Variants in GPHN observed in about 807,000 individuals in gnomAD.
GPHN encodes gephyrin.
In GPHN, 17 loss-of-function variants were observed where a neutral mutation model predicts 95.5. That is an observed-to-expected ratio of 0.18 (90% CI 0.12 to 0.27). The LOEUF is 0.27. Ranked by LOEUF, GPHN falls within the 10% of genes least tolerant of loss-of-function variation. The probability of loss-of-function intolerance (pLI) is 1.00; values close to 1 mark genes in which losing one functional copy is unlikely to be tolerated. For missense variants in GPHN, 660 were observed against 978.1 expected, an observed-to-expected ratio of 0.67 and a Z score of 4.34; for synonymous variants, 320 against 322.5, an observed-to-expected ratio of 0.99 and a Z score of 0.08.
chr14:66,713,067 G>A (rs1028563459), intron 2 of GPHN, among the ~76,000 whole-genome samples: 1 of 152,116 alleles, frequency 6.6e-6, no homozygotes, highest in African/African-American at 2.4e-5. Context: ...TTTGTCAGAT[G>A]TATAGATTGT....
chr14:66,568,038 C>T (rs2060531398), intron 1 of GPHN, among the ~76,000 whole-genome samples: 1 of 152,032 alleles, frequency 6.6e-6, no homozygotes, highest in South Asian at 2.1e-4. Flanking sequence ...TGATGTCAGC[C>T]TAGTATTTTG....
At chr14:66,796,777 C>T (rs1235784846) in intron 3 of GPHN, among the ~76,000 whole-genome samples, 2 of 151,964 alleles carry the variant, frequency 1.3e-5, no homozygotes, top group Non-Finnish European at 2.9e-5. Context: ...TGGGTTGTCT[C>T]TTCACTCTAT....
the GPHN span, among the ~76,000 whole-genome samples, chr14:67,400,106 C>G: frequency 6.6e-6 from 1 of 152,150 alleles, no homozygotes; most frequent in Admixed American, 6.5e-5. Flanking sequence ...TGTTAGAGAG[C>G]CAAAAGTTGT....
At chr14:67,083,949 C>T (rs1282829030) in intron 11 of GPHN, among the ~76,000 whole-genome samples, 1 of 152,110 alleles carries the variant, frequency 6.6e-6, no homozygotes, top group Non-Finnish European at 1.5e-5. Flanking sequence ...TTCTTGTAGT[C>T]ATAATCATTA....
intron 3 of GPHN, among the ~76,000 whole-genome samples, chr14:66,777,805 G>T (rs2059438611): frequency 6.6e-6 from 1 of 152,204 alleles, no homozygotes; most frequent in South Asian, 2.1e-4. Flanking sequence ...AATAAATTAG[G>T]TATTGATGGG....
chr14:67,582,400 C>T, the GPHN span: 87,790 of 935,248 alleles, frequency 0.094, 4,595 homozygotes, highest in Admixed American at 0.19. This position sits in a 1 kb window ranked among gnomAD's most constrained non-coding sequence, Gnocchi z 5.0. Flanking sequence ...ATATAGGATG[C>T]GTGCAGATGG....
the GPHN span, among the ~76,000 whole-genome samples, chr14:67,509,987 G>A: frequency 6.6e-6 from 1 of 151,714 alleles, no homozygotes; most frequent in African/African-American, 2.4e-5. Context: ...TAAAGCCTGA[G>A]CAACAGAGAG....
the GPHN span, among the ~76,000 whole-genome samples, chr14:67,582,922 T>C: frequency 9.9e-5 from 15 of 152,280 alleles, no homozygotes; most frequent in East Asian, 1.3e-3. This position sits in a 1 kb window ranked among gnomAD's most constrained non-coding sequence, Gnocchi z 5.0. Context: ...GATAATTGTA[T>C]CATGTAATGT....
intron 12 of GPHN, among the ~76,000 whole-genome samples, chr14:67,093,091 G>C (rs2077205868): frequency 6.6e-6 from 1 of 151,966 alleles, no homozygotes; most frequent in Admixed American, 6.6e-5. Flanking sequence ...GGAATATTTT[G>C]AACAAACCAG....
intron 4 of GPHN, among the ~76,000 whole-genome samples, chr14:66,838,341 T>A (rs982397923): frequency 6.6e-6 from 1 of 151,998 alleles, no homozygotes; most frequent in African/African-American, 2.4e-5. Flanking sequence ...AATAAGTAGA[T>A]GATGGTGGAA....
chr14:66,861,502 T>C (rs1002949843), intron 4 of GPHN, among the ~76,000 whole-genome samples: 2 of 152,058 alleles, frequency 1.3e-5, no homozygotes, highest in Admixed American at 1.3e-4. Context: ...ATGGACCTAA[T>C]AGATGTTTAC....
At chr14:67,166,031 AC>A (rs1380790645) in intron 20 of GPHN, among the ~76,000 whole-genome samples, 1 of 152,186 alleles carries the variant, frequency 6.6e-6, no homozygotes, top group Non-Finnish European at 1.5e-5. Flanking sequence ...TTAGAAAATA[AC>A]CTATTTCTTT....
the GPHN span, among the ~76,000 whole-genome samples, chr14:67,354,582 T>C: frequency 6.6e-6 from 1 of 152,144 alleles, no homozygotes; most frequent in Admixed American, 6.5e-5. Context: ...ACATCAGAGT[T>C]CACCTATGAT....
intron 21 of GPHN, among the ~76,000 whole-genome samples, chr14:67,171,550 AC>A (rs2082599596): frequency 6.6e-6 from 1 of 152,086 alleles, no homozygotes; most frequent in Non-Finnish European, 1.5e-5. Flanking sequence ...ACCTGGAGTA[AC>A]TCCCATTAGT....
At chr14:67,293,229 C>A in the GPHN span, among the ~76,000 whole-genome samples, 1 of 152,094 alleles carries the variant, frequency 6.6e-6, no homozygotes, top group East Asian at 1.9e-4. Flanking sequence ...GACTTAAATT[C>A]TTGTTTCTGA....
At chr14:66,674,649 CTCT>C (rs753066133) in intron 1 of GPHN, among the ~76,000 whole-genome samples, 2 of 152,180 alleles carry the variant, frequency 1.3e-5, no homozygotes, top group African/African-American at 2.4e-5. Flanking sequence ...AATTCTCTCT[CTCT>C]TTTTTATGAC....
At chr14:67,729,580 G>A in the GPHN span, 1 of 649,746 alleles carries the variant, frequency 1.5e-6, no homozygotes, top group Non-Finnish European at 2.7e-6. Context: ...TGCTTTTCTG[G>A]CTTTATTTTA....
intron 2 of GPHN, among the ~76,000 whole-genome samples, chr14:66,750,220 A>C (rs767928366): frequency 6.6e-6 from 1 of 151,848 alleles, no homozygotes; most frequent in African/African-American, 2.4e-5. Flanking sequence ...TATGTTTTAC[A>C]TTTAGGTCTG....
At chr14:67,520,611 A>G in the GPHN span, among the ~76,000 whole-genome samples, 1 of 151,378 alleles carries the variant, frequency 6.6e-6, no homozygotes, top group Admixed American at 6.6e-5. Flanking sequence ...TTGCTTGCAA[A>G]TTATGGCAAT....
Sources: gnomAD v4.1 joint callset for allele counts (sites outside exome capture counted in the v4.1 genomes callset) on GRCh38, gnomAD v4.1.1 for gene constraint, Gnocchi (gnomAD v3.1) non-coding constraint, MANE v1.5 for transcripts, NCBI Gene and HGNC (gene_info 2026-07-23, HGNC 2026-07-21) for gene names.